The following MAPKAP1 variants were observed in gnomAD, a reference collection of about 807,000 sequenced individuals.
MAPKAP1 encodes MAPK associated protein 1, also known as target of rapamycin complex 2 subunit MAPKAP1.
In MAPKAP1, 20 loss-of-function variants were observed where a neutral mutation model predicts 65.7. The ratio of observed to expected loss-of-function variants is 0.30; its 90% confidence interval spans 0.21 to 0.44. The LOEUF (loss-of-function observed/expected upper bound fraction) is 0.44, where lower values mean the gene tolerates loss of function less well. Among genes scored for constraint, MAPKAP1 ranks in the 20% least tolerant of loss-of-function variants. The pLI is 1.00. For missense variants in MAPKAP1, 423 were observed against 648.0 expected (o/e 0.65, Z 3.77); for synonymous variants, 222 against 244.3 (o/e 0.91, Z 0.85).
chr9:125,652,890 C>G (rs189452669), intron 4 of MAPKAP1, among the ~76,000 whole-genome samples: 77 of 152,306 alleles, frequency 5.1e-4, no homozygotes, highest in African/African-American at 1.8e-3. Flanking sequence ...TGTACTTCTT[C>G]TTTACGACAC....
intron 4 of MAPKAP1, among the ~76,000 whole-genome samples, chr9:125,626,890 T>C (rs754197708): frequency 1.5e-4 from 23 of 152,258 alleles, no homozygotes; most frequent in Non-Finnish European, 3.1e-4. Flanking sequence ...TCAGCCACTA[T>C]GCAAGAGGCT....
chr9:125,522,761 A>C (rs1273475312), intron 7 of MAPKAP1, among the ~76,000 whole-genome samples: 1 of 152,162 alleles, frequency 6.6e-6, no homozygotes, highest in Non-Finnish European at 1.5e-5. Context: ...ACTAGTTTAG[A>C]TGCAAATTCC....
intron 4 of MAPKAP1, among the ~76,000 whole-genome samples, chr9:125,634,725 G>C (rs925949465): frequency 2.6e-5 from 4 of 152,180 alleles, no homozygotes; most frequent in African/African-American, 9.7e-5. Flanking sequence ...AAGGGTTAGA[G>C]GGGAGATGGA....
At chr9:125,508,936 G>A (rs1267406537) in intron 7 of MAPKAP1, among the ~76,000 whole-genome samples, 1 of 152,072 alleles carries the variant, frequency 6.6e-6, no homozygotes, top group Non-Finnish European at 1.5e-5. Context: ...TATTAAATGT[G>A]ATGCTACAAA....
chr9:125,464,518 T>A (rs1408797408), intron 10 of MAPKAP1, among the ~76,000 whole-genome samples: 1 of 152,238 alleles, frequency 6.6e-6, no homozygotes, highest in Non-Finnish European at 1.5e-5. Flanking sequence ...AGGCTTGTGA[T>A]ACACAGATTC....
At chr9:125,605,600 C>G (rs1832418046) in intron 4 of MAPKAP1, among the ~76,000 whole-genome samples, 1 of 152,226 alleles carries the variant, frequency 6.6e-6, no homozygotes, top group Non-Finnish European at 1.5e-5. Flanking sequence ...ACGGCCGCAT[C>G]TCTGCACTTC....
At chr9:125,546,613 G>A (rs1423104299) in intron 6 of MAPKAP1, among the ~76,000 whole-genome samples, 3 of 151,970 alleles carry the variant, frequency 2.0e-5, no homozygotes, top group Non-Finnish European at 1.5e-5. Flanking sequence ...GATTTTTTAT[G>A]GGCTTTCTAA....
In MAPKAP1 at chr9:125,484,434, C is replaced by CCTAGT. The variant is rs1336649322; in HGVS notation, c.1207+8_1207+9insACTAG. ...GACAAGCTAGCTCATCACCTGCTCA[C>CCTAGT]ACACTTACCTAGCTGTACGTCGGTT... On this transcript the variant is annotated intron_variant, in intron 9 of 11. Coordinates refer to ENST00000265960, the MANE Select transcript of MAPKAP1 (RefSeq NM_001006617.3). 3.7e-6 allele frequency: 6 copies of CCTAGT among 1,605,834 alleles called. No homozygotes were observed. Among genetic ancestry groups the CCTAGT allele is most frequent in the Non-Finnish European group, 4.3e-6 (5 of 1,176,082 alleles).
intron 11 of MAPKAP1, among the ~76,000 whole-genome samples, chr9:125,440,639 C>A (rs1852445027): frequency 6.6e-6 from 1 of 152,196 alleles, no homozygotes; most frequent in South Asian, 2.1e-4. Flanking sequence ...GGCTTCAACA[C>A]TGTCCCTCCC....
chr9:125,599,485 C>A (rs2131607414), intron 4 of MAPKAP1, among the ~76,000 whole-genome samples: 2 of 152,248 alleles, frequency 1.3e-5, no homozygotes, highest in South Asian at 4.1e-4. Flanking sequence ...AAACAAAAAA[C>A]TTGGTTACTA....
chr9:125,600,977 T>A (rs900871117), intron 4 of MAPKAP1, among the ~76,000 whole-genome samples: 1 of 152,234 alleles, frequency 6.6e-6, no homozygotes, highest in Non-Finnish European at 1.5e-5. Context: ...AAATCATTTA[T>A]ATAATAAAAT....
chr9:125,440,589 G>A (rs1398620977), intron 11 of MAPKAP1, among the ~76,000 whole-genome samples: 3 of 152,220 alleles, frequency 2.0e-5, no homozygotes, highest in Admixed American at 1.3e-4. Context: ...GAGGGCTCCC[G>A]GGGGAGGCAG....
At chr9:125,596,772 T>C in intron 4 of MAPKAP1, 1 of 472,474 alleles carries the variant, frequency 2.1e-6, no homozygotes, top group Non-Finnish European at 4.1e-6. Flanking sequence ...TTTAGACAAA[T>C]ACTCATGTGT....
At chr9:125,451,266 G>A (rs1474212205) in intron 10 of MAPKAP1, among the ~76,000 whole-genome samples, 4 of 152,160 alleles carry the variant, frequency 2.6e-5, no homozygotes, top group African/African-American at 9.7e-5. Context: ...ACTTCTTAAA[G>A]TCCTGGCTTC....
intron 1 of MAPKAP1, among the ~76,000 whole-genome samples, chr9:125,690,707 A>G (rs1285887956): frequency 6.6e-6 from 1 of 152,194 alleles, no homozygotes; most frequent in Non-Finnish European, 1.5e-5. Flanking sequence ...TGGAAGGTTC[A>G]AAGAGGGGGT....
At chr9:125,539,837 A>T (rs1262754360) in intron 7 of MAPKAP1, among the ~76,000 whole-genome samples, 1 of 152,250 alleles carries the variant, frequency 6.6e-6, no homozygotes, top group Non-Finnish European at 1.5e-5. Flanking sequence ...TACATTCCAA[A>T]TGTCAAGTAG....
At position 125,554,790 on chromosome 9, in the gene MAPKAP1, T is replaced by C. The variant is rs147543922; in HGVS notation, c.848+4843A>G. On this transcript the variant is annotated intron_variant, in intron 6 of 11. Transcript: ENST00000265960. ...CAGACTAGGCCACACAGCAAGACACTTATCAAAAAAAAAAAAAAAAAAAAA... is the reference window on the plus strand; with the variant it reads ...CAGACTAGGCCACACAGCAAGACACCTATCAAAAAAAAAAAAAAAAAAAAA... Among the ~76,000 whole-genome samples the C allele has an allele frequency of 4.9e-3, 442 of 90,990 alleles. 5 individuals are homozygous for C. The highest frequency in any genetic ancestry group is 0.035 in the South Asian group (93 of 2,622). The allele number at this position is 90,990 out of a possible 152,430, so 59.7% of individuals were successfully genotyped here.
chr9:125,564,676 G>A (rs1830995025), intron 5 of MAPKAP1, among the ~76,000 whole-genome samples: 1 of 152,186 alleles, frequency 6.6e-6, no homozygotes, highest in Non-Finnish European at 1.5e-5. Flanking sequence ...TAAGGGTCTT[G>A]TAAGGATTGA....
chr9:125,455,026 T>C (rs1375527763), intron 10 of MAPKAP1, among the ~76,000 whole-genome samples: 2 of 150,948 alleles, frequency 1.3e-5, no homozygotes, highest in Non-Finnish European at 2.9e-5. Flanking sequence ...ATCTCTATTT[T>C]AATAATAATT....
Sources: allele counts gnomAD v4.1 joint callset (sites outside exome capture counted in the v4.1 genomes callset), GRCh38; gene constraint gnomAD v4.1.1; transcripts MANE v1.5; gene names NCBI Gene and HGNC (gene_info 2026-07-23, HGNC 2026-07-21).